The following KAZN variants were observed in gnomAD, a reference collection of about 807,000 sequenced individuals.
KAZN encodes kazrin.
KAZN carries 40 observed loss-of-function variants against 87.4 expected under a neutral mutation model. The observed-to-expected ratio is 0.46, with a 90% CI of 0.36 to 0.60. KAZN has a LOEUF of 0.60. KAZN is among the 20% of genes least tolerant of loss of function. The pLI is 0.00. For missense variants in KAZN, 898 were observed against 1,073.9 expected, an observed-to-expected ratio of 0.84 and a Z score of 2.29; for synonymous variants, 466 against 458.3, an observed-to-expected ratio of 1.02 and a Z score of -0.22.
intron 2 of KAZN, among the ~76,000 whole-genome samples, chr1:14,188,194 C>T (rs1009515): frequency 2.9e-4 from 41 of 140,148 alleles, no homozygotes; most frequent in African/African-American, 8.9e-4. Flanking sequence ...GAGAGAGGAG[C>T]GTGTGTGTGT....
chr1:13,912,348 T>C (rs1639684470), intron 1 of KAZN, among the ~76,000 whole-genome samples: 1 of 152,164 alleles, frequency 6.6e-6, no homozygotes, highest in African/African-American at 2.4e-5. Flanking sequence ...TCCAATCTAC[T>C]TGTGGGCACA....
rs570056525 is a variant in KAZN, at chr1:13,993,578, T to G, written c.91+99822T>G. On this transcript the variant is annotated intron_variant, in intron 1 of 16. Coordinates refer to the KAZN transcript ENST00000636203. ...GAACTGATATGTATCAAGTACTGATTAGCATCTAAAAACTACATTAGGTCT... is the reference window on the plus strand; with the variant it reads ...GAACTGATATGTATCAAGTACTGATGAGCATCTAAAAACTACATTAGGTCT... Among the ~76,000 whole-genome samples, 6 of 152,340 alleles carry G rather than the reference T, an allele frequency of 3.9e-5. No individual in the cohort carries two copies. In the East Asian group the frequency reaches 1.2e-3, roughly 29 times the overall value.
At chr1:15,034,707 A>C (rs774450346) in intron 2 of KAZN, 42 bp from the exon 3 acceptor site, 12 of 1,611,652 alleles carry the variant, frequency 7.4e-6, no homozygotes, top group Non-Finnish European at 1.0e-5. Context: ...TCTGGAGAGG[A>C]CAGCTGGGGT....
chr1:14,170,862 C>T (rs1027424755), intron 1 of KAZN, among the ~76,000 whole-genome samples: 1 of 152,126 alleles, frequency 6.6e-6, no homozygotes, highest in African/African-American at 2.4e-5. Context: ...GCTGGGAGTA[C>T]AGGTGCCTGC....
intron 1 of KAZN, among the ~76,000 whole-genome samples, chr1:14,038,419 C>A (rs532289658): frequency 1.8e-4 from 27 of 152,236 alleles, no homozygotes; most frequent in Non-Finnish European, 2.5e-4. Context: ...AGGCCTTATG[C>A]AGGAACATCC....
At chr1:14,568,892 A>G (rs1333911486) in intron 2 of KAZN, among the ~76,000 whole-genome samples, 2 of 152,342 alleles carry the variant, frequency 1.3e-5, no homozygotes, top group Non-Finnish European at 2.9e-5. Flanking sequence ...TTCAGCCACA[A>G]ACACTGATTG....
At chr1:14,906,172 TATATTATAATAATAATAATAA>T (rs1243199759) in intron 1 of KAZN, among the ~76,000 whole-genome samples, 6 of 117,512 alleles carry the variant, frequency 5.1e-5, no homozygotes, top group Non-Finnish European at 1.0e-4. Flanking sequence ...TCTCAAAAAA[TATATTATAATAATAATAATAA>T]TAATAATAAT....
At chr1:14,156,983 C>CT (rs1439018528) in intron 1 of KAZN, among the ~76,000 whole-genome samples, 1 of 136,866 alleles carries the variant, frequency 7.3e-6, no homozygotes, top group Admixed American at 7.4e-5. Context: ...TCATTTTTTG[C>CT]TTTTTATTTT....
At chr1:13,916,499 A>G (rs1373996437) in intron 1 of KAZN, among the ~76,000 whole-genome samples, 1 of 152,116 alleles carries the variant, frequency 6.6e-6, no homozygotes, top group Non-Finnish European at 1.5e-5. Flanking sequence ...TTCCCTACCC[A>G]TTCAGCATCC....
chr1:13,923,457 C>T (rs988108092), intron 1 of KAZN, among the ~76,000 whole-genome samples: 7 of 151,032 alleles, frequency 4.6e-5, no homozygotes, highest in African/African-American at 7.3e-5. Flanking sequence ...CCTGTAGTCC[C>T]AGCTACTGGG....
chr1:14,878,064 T>C (rs757288599), intron 1 of KAZN, among the ~76,000 whole-genome samples: 3 of 152,108 alleles, frequency 2.0e-5, no homozygotes, highest in Non-Finnish European at 4.4e-5. Flanking sequence ...CCTGCAGACA[T>C]GGTTAAAATT....
intron 2 of KAZN, among the ~76,000 whole-genome samples, chr1:14,398,632 CTTTTCCCAG>C (rs1663099342): frequency 6.6e-6 from 1 of 152,196 alleles, no homozygotes; most frequent in African/African-American, 2.4e-5. Flanking sequence ...GATGGGCTCA[CTTTTCCCAG>C]AAGAGGAAAC....
chr1:14,257,958 T>TAAAAAAAAAAAAAA (rs1650663426), intron 2 of KAZN, among the ~76,000 whole-genome samples: 1 of 28,418 alleles, frequency 3.5e-5, no homozygotes, highest in Non-Finnish European at 6.5e-5. Flanking sequence ...AAAAAAAACA[T>TAAAAAAAAAAAAAA]TAAAAAAAAA....
intron 1 of KAZN, chr1:14,929,774 G>A (rs1313209396): frequency 2.0e-6 from 2 of 985,354 alleles, no homozygotes; most frequent in Non-Finnish European, 2.4e-6. Context: ...GTCTTATGTT[G>A]CGGGTGCCAG....
At chr1:14,813,033 G>C (rs1293752491) in intron 1 of KAZN, among the ~76,000 whole-genome samples, 2 of 152,126 alleles carry the variant, frequency 1.3e-5, no homozygotes, top group African/African-American at 2.4e-5. Flanking sequence ...TACTTAGTCG[G>C]GTAGAAAGAG....
upstream of KAZN, among the ~76,000 whole-genome samples, chr1:14,597,684 G>T (rs1240440758): frequency 6.6e-6 from 1 of 152,132 alleles, no homozygotes; most frequent in Non-Finnish European, 1.5e-5. Flanking sequence ...TCTGCTCTTT[G>T]CTGCTCTCCG....
rs931793470 is a variant in KAZN, at chr1:14,650,448, G to T, written c.226+51225G>T. On this transcript the variant is annotated intron_variant, in intron 1 of 14. Coordinates refer to ENST00000376030, the MANE Select transcript of KAZN (RefSeq NM_201628.3). The stretch of plus-strand genomic sequence containing the variant: ...CCAGCTACTCAGGAGACTGAGGCAG[G>T]AGGATGGCCTGGGCCCAGGAGTTGA... Among the ~76,000 whole-genome samples the T allele has an allele frequency of 2.0e-5, 3 of 152,288 alleles. No individual in the cohort carries two copies. The South Asian group carries it at 6.2e-4, about 32-fold the overall frequency.
At chr1:14,262,453 A>G (rs1436259072) in intron 2 of KAZN, among the ~76,000 whole-genome samples, 3 of 152,202 alleles carry the variant, frequency 2.0e-5, no homozygotes, top group African/African-American at 4.8e-5. Flanking sequence ...TTAAAAGTTT[A>G]TAACTTTCTA....
chr1:13,947,677 C>T (rs1481597007), intron 1 of KAZN, among the ~76,000 whole-genome samples: 2 of 152,282 alleles, frequency 1.3e-5, no homozygotes, highest in African/African-American at 4.8e-5. Context: ...TTTATCGTCT[C>T]ACAGTTTTGG....
Sources: allele counts gnomAD v4.1 joint callset (sites outside exome capture counted in the v4.1 genomes callset), GRCh38; gene constraint gnomAD v4.1.1; transcripts MANE v1.5; gene names NCBI Gene and HGNC (gene_info 2026-07-23, HGNC 2026-07-21).